The following PTPRD variants were observed in gnomAD, a reference collection of about 807,000 sequenced individuals.
The protein encoded by PTPRD is receptor-type tyrosine-protein phosphatase delta.
A neutral mutation model predicts 214.5 loss-of-function variants in PTPRD; 34 were observed. The ratio of observed to expected loss-of-function variants is 0.16; its 90% CI spans 0.12 to 0.21. The LOEUF is 0.21. Among genes scored for constraint, PTPRD ranks in the 10% least tolerant of loss-of-function variants. PTPRD has a pLI of 1.00. For missense variants in PTPRD, 2,545 were observed against 2,398.7 expected (o/e 1.06, Z -1.27); for synonymous variants, 1,128 against 845.7 (o/e 1.33, Z -5.79).
intron 11 of PTPRD, among the ~76,000 whole-genome samples, chr9:8,813,806 G>C (rs368058130): frequency 2.0e-5 from 3 of 152,208 alleles, no homozygotes; most frequent in Non-Finnish European, 4.4e-5. Context: ...CAGTTCTGCT[G>C]TCTAATATCA....
At chr9:9,676,209 T>C (rs1216299063) in intron 7 of PTPRD, among the ~76,000 whole-genome samples, 3 of 152,044 alleles carry the variant, frequency 2.0e-5, no homozygotes, top group Admixed American at 6.6e-5. Context: ...ATGTGCCATG[T>C]TGGTGTGCCG....
At chr9:10,287,891 G>A (rs1596227804) in intron 3 of PTPRD, among the ~76,000 whole-genome samples, 1 of 151,916 alleles carries the variant, frequency 6.6e-6, no homozygotes, top group Non-Finnish European at 1.5e-5. Context: ...GACAGAGGGG[G>A]TTTTCTCTCC....
At chr9:8,890,529 G>A (rs184921293) in intron 11 of PTPRD, among the ~76,000 whole-genome samples, 1 of 152,352 alleles carries the variant, frequency 6.6e-6, no homozygotes, top group Non-Finnish European at 1.5e-5. Flanking sequence ...CTGAATCAAT[G>A]TGGTTAGAAA....
chr9:9,864,884 T>C (rs1423115621), intron 5 of PTPRD, among the ~76,000 whole-genome samples: 1 of 152,184 alleles, frequency 6.6e-6, no homozygotes, highest in Non-Finnish European at 1.5e-5. Flanking sequence ...TTATACTTTC[T>C]AGAAGATTTC....
At chr9:10,152,423 G>T (rs985191208) in intron 3 of PTPRD, among the ~76,000 whole-genome samples, 4 of 152,106 alleles carry the variant, frequency 2.6e-5, no homozygotes, top group Admixed American at 2.6e-4. Context: ...TCATTCATCA[G>T]ATATGTGATT....
At chr9:9,987,326 A>T (rs2095750653) in intron 4 of PTPRD, among the ~76,000 whole-genome samples, 1 of 152,188 alleles carries the variant, frequency 6.6e-6, no homozygotes, top group Non-Finnish European at 1.5e-5. Flanking sequence ...TGCTGATAAG[A>T]CATGCCGGAG....
chr9:9,912,219 G>C (rs1454804294), intron 5 of PTPRD, among the ~76,000 whole-genome samples: 3 of 152,036 alleles, frequency 2.0e-5, no homozygotes, highest in African/African-American at 7.2e-5. Context: ...CAAAATAAAA[G>C]ATAAAGGAGC....
intron 11 of PTPRD, among the ~76,000 whole-genome samples, chr9:8,767,506 G>T (rs934232551): frequency 1.3e-5 from 2 of 152,090 alleles, no homozygotes; most frequent in Non-Finnish European, 2.9e-5. Flanking sequence ...TACATTTGTT[G>T]CAGCATTTTT....
chr9:8,666,639 C>T (rs750610270), intron 12 of PTPRD, among the ~76,000 whole-genome samples: 5 of 152,138 alleles, frequency 3.3e-5, no homozygotes, highest in Non-Finnish European at 7.4e-5. Context: ...CTCCTCTAGC[C>T]AATAGATCTG....
At chr9:8,724,440 C>T (rs1182857469) in intron 12 of PTPRD, among the ~76,000 whole-genome samples, 1 of 152,220 alleles carries the variant, frequency 6.6e-6, no homozygotes, top group Admixed American at 6.5e-5. Context: ...TAACTTCCAA[C>T]TAGCCTCTTA....
chr9:8,511,648 T>G (rs963576717), intron 21 of PTPRD, among the ~76,000 whole-genome samples: 1 of 152,092 alleles, frequency 6.6e-6, no homozygotes, highest in Non-Finnish European at 1.5e-5. Flanking sequence ...AGGAGAGATA[T>G]GATATTGACC....
chr9:10,326,134 ATC>A (rs2096638971), intron 3 of PTPRD, among the ~76,000 whole-genome samples: 1 of 151,756 alleles, frequency 6.6e-6, no homozygotes, highest in Non-Finnish European at 1.5e-5. Flanking sequence ...CTAAAAAACA[ATC>A]TACCATATTT....
At chr9:10,545,564 G>C (rs13286519) in intron 2 of PTPRD, among the ~76,000 whole-genome samples, 2 of 151,988 alleles carry the variant, frequency 1.3e-5, no homozygotes, top group Non-Finnish European at 2.9e-5. Flanking sequence ...AGGTAATATT[G>C]TCCTTCCATT....
At chr9:10,452,926 A>G (rs747725544) in intron 2 of PTPRD, among the ~76,000 whole-genome samples, 2 of 151,510 alleles carry the variant, frequency 1.3e-5, no homozygotes, top group Non-Finnish European at 3.0e-5. Flanking sequence ...CATTTCTCTT[A>G]TGTTTTATTT....
intron 14 of PTPRD, among the ~76,000 whole-genome samples, chr9:8,531,652 T>C (rs1592934804): frequency 6.6e-6 from 1 of 152,140 alleles, no homozygotes. Context: ...CCTAGGACAC[T>C]GTATCTCTCC....
At chr9:9,058,498 G>C (rs1190148739) in intron 10 of PTPRD, among the ~76,000 whole-genome samples, 1 of 123,540 alleles carries the variant, frequency 8.1e-6, no homozygotes, top group African/African-American at 2.8e-5. Flanking sequence ...GCCCAGGCTG[G>C]AGTGCAGAGG....
chr9:10,272,556 C>A (rs945617262), intron 3 of PTPRD, among the ~76,000 whole-genome samples: 2 of 152,094 alleles, frequency 1.3e-5, no homozygotes, highest in African/African-American at 4.8e-5. Context: ...AATTTTCATT[C>A]CCTTAATAGC....
At chr9:10,597,659 T>C (rs1326614360) in intron 2 of PTPRD, among the ~76,000 whole-genome samples, 1 of 151,818 alleles carries the variant, frequency 6.6e-6, no homozygotes, top group Non-Finnish European at 1.5e-5. Context: ...AATGCAGTGG[T>C]AAGCAAAGAT....
intron 3 of PTPRD, among the ~76,000 whole-genome samples, chr9:10,323,440 G>A (rs890778580): frequency 1.3e-5 from 2 of 150,882 alleles, no homozygotes; most frequent in African/African-American, 4.9e-5. Flanking sequence ...GACTGCAGGT[G>A]CAATCCACTA....
Sources: gnomAD v4.1 joint callset for allele counts (sites outside exome capture counted in the v4.1 genomes callset) on GRCh38, gnomAD v4.1.1 for gene constraint, MANE v1.5 for transcripts, NCBI Gene and HGNC (gene_info 2026-07-23, HGNC 2026-07-21) for gene names.